Variants in PDE4D observed in about 807,000 individuals in gnomAD.
PDE4D encodes the protein 3',5'-cyclic-AMP phosphodiesterase 4D.
A neutral mutation model predicts 87.4 loss-of-function variants in PDE4D; 24 were observed. The observed-to-expected ratio is 0.27, with a 90% confidence interval of 0.20 to 0.39. The LOEUF (loss-of-function observed/expected upper bound fraction) is 0.39. PDE4D is among the 10% of genes least tolerant of loss of function. The probability of loss-of-function intolerance (pLI) is 1.00; values close to 1 mark genes in which losing one functional copy is unlikely to be tolerated. For synonymous variants in PDE4D, 384 were observed against 383.2 expected (o/e 1.00, Z -0.02); for missense variants, 714 against 1,041.0 (o/e 0.69, Z 4.32).
chr5:59,060,596 T>G (rs1762987091), intron 5 of PDE4D, among the ~76,000 whole-genome samples: 1 of 152,110 alleles, frequency 6.6e-6, no homozygotes, highest in Non-Finnish European at 1.5e-5. Flanking sequence ...AAATTGCATG[T>G]CATGGGGTGC....
chr5:60,191,127 C>A (rs1002406957), intron 1 of PDE4D, among the ~76,000 whole-genome samples: 4 of 152,184 alleles, frequency 2.6e-5, no homozygotes, highest in Non-Finnish European at 5.9e-5. Context: ...TCCCCTACTG[C>A]GCCAAGTCAC....
At chr5:59,164,099 G>T (rs2153467468) in intron 5 of PDE4D, among the ~76,000 whole-genome samples, 1 of 152,290 alleles carries the variant, frequency 6.6e-6, no homozygotes, top group South Asian at 2.1e-4. Context: ...AGTCTTAATT[G>T]CTTGCACATG....
In PDE4D at chr5:59,577,140, C is replaced by T. The variant is rs548384797; in HGVS notation, c.455+316028G>A. 1.6e-4 allele frequency among the ~76,000 whole-genome samples: 24 copies of T among 152,090 alleles called. 1 individual carries two copies. In the South Asian group the frequency reaches 4.4e-3, roughly 28 times the overall value. On this transcript the variant is annotated intron_variant, in intron 1 of 14. Transcript: ENST00000340635. ...TGGAGGATATATGAAAAAGGAAGGG[C>T]CTGAGACCTTTATCAAGAGAAGAGT...
At chr5:60,191,453 T>G (rs141094259) in intron 1 of PDE4D, among the ~76,000 whole-genome samples, 1 of 152,254 alleles carries the variant, frequency 6.6e-6, no homozygotes, top group East Asian at 1.9e-4. Context: ...TGGTAGTTCC[T>G]CCTGTGTTCA....
chr5:59,952,236 G>T (rs1758368669), intron 3 of PDE4D, among the ~76,000 whole-genome samples: 2 of 151,966 alleles, frequency 1.3e-5, no homozygotes, highest in African/African-American at 2.4e-5. Flanking sequence ...GCCTCCCAAG[G>T]TCTGTGGAAC....
intron 5 of PDE4D, among the ~76,000 whole-genome samples, chr5:59,071,544 G>T (rs1253023695): frequency 3.3e-4 from 46 of 140,634 alleles, no homozygotes; most frequent in African/African-American, 3.8e-4. Context: ...TCTCTGAGTT[G>T]TTTTTTTTTT....
At chr5:59,542,579 G>A (rs1486494714) in intron 1 of PDE4D, among the ~76,000 whole-genome samples, 2 of 152,002 alleles carry the variant, frequency 1.3e-5, no homozygotes, top group Non-Finnish European at 2.9e-5. Flanking sequence ...AAGTAGTTTT[G>A]TATTTTAAGA....
chr5:59,932,745 C>T (rs865959476), intron 3 of PDE4D, among the ~76,000 whole-genome samples: 4 of 152,146 alleles, frequency 2.6e-5, no homozygotes, highest in Admixed American at 6.5e-5. Flanking sequence ...GATACCAAAT[C>T]GATTCTACAC....
At chr5:59,824,575 C>T (rs1292743525) in intron 1 of PDE4D, among the ~76,000 whole-genome samples, 3 of 152,284 alleles carry the variant, frequency 2.0e-5, no homozygotes, top group Middle Eastern at 3.4e-3. Context: ...GAGTATCTAT[C>T]TTTATATACA....
chr5:60,474,148 A>ATATATATG, intron 1 of PDE4D, among the ~76,000 whole-genome samples: 2 of 99,786 alleles, frequency 2.0e-5, no homozygotes, highest in African/African-American at 1.3e-4. Context: ...ATATATATAT[A>ATATATATG]TAACAAAAAC....
intron 5 of PDE4D, among the ~76,000 whole-genome samples, chr5:59,100,704 A>T: frequency 6.6e-6 from 1 of 152,202 alleles, no homozygotes; most frequent in East Asian, 1.9e-4. Flanking sequence ...TTGAGAGTCT[A>T]ACTGCTTGTC....
chr5:59,910,949 A>G (rs1753373730), intron 3 of PDE4D, among the ~76,000 whole-genome samples: 1 of 152,228 alleles, frequency 6.6e-6, no homozygotes, highest in Admixed American at 6.5e-5. Flanking sequence ...TAAAAGTTAT[A>G]ACAGTGAAAA....
intron 1 of PDE4D, among the ~76,000 whole-genome samples, chr5:60,383,008 A>G (rs891715601): frequency 6.6e-6 from 1 of 152,200 alleles, no homozygotes; most frequent in Non-Finnish European, 1.5e-5. Flanking sequence ...ATCAAGGGAA[A>G]GTTTCACTGG....
intron 1 of PDE4D, among the ~76,000 whole-genome samples, chr5:59,357,387 A>C (rs762743935): frequency 5.3e-5 from 8 of 152,192 alleles, no homozygotes; most frequent in Non-Finnish European, 1.2e-4. Flanking sequence ...TCCTTATTTC[A>C]ACTTCTCTTA....
chr5:59,875,210 C>T (rs1748373383), intron 1 of PDE4D, among the ~76,000 whole-genome samples: 1 of 151,934 alleles, frequency 6.6e-6, no homozygotes, highest in South Asian at 2.1e-4. Context: ...GCCTGTAATC[C>T]CAGCACTTTG....
chr5:59,081,301 G>A (rs11744488), intron 5 of PDE4D, among the ~76,000 whole-genome samples: 3,313 of 152,044 alleles, frequency 0.022, 61 homozygotes, highest in Middle Eastern at 0.054. Flanking sequence ...GGTTACTGCC[G>A]TTCCTTATTT....
At chr5:60,103,205 C>A (rs542869086) in intron 2 of PDE4D, among the ~76,000 whole-genome samples, 1 of 152,130 alleles carries the variant, frequency 6.6e-6, no homozygotes, top group East Asian at 1.9e-4. Context: ...AGAACAGACA[C>A]GACAGCCTAA....
intron 2 of PDE4D, among the ~76,000 whole-genome samples, chr5:60,027,765 G>A (rs1201931279): frequency 6.6e-6 from 1 of 152,216 alleles, no homozygotes; most frequent in African/African-American, 2.4e-5. Context: ...TTGTCCATTA[G>A]TGCTGGAATC....
Position 60,481,304 on chromosome 5 carries a change from G to C in PDE4D, c.-90+6638C>G, listed in dbSNP as rs185399836. ...TATTAACAGAAAATTAACAGATTTG[G>C]AGAGATTTTTTAAATAGAATAATCT... On this transcript the variant is annotated intron_variant, in intron 1 of 16. Transcript: ENST00000502484. Among the ~76,000 whole-genome samples, 620 of 152,104 alleles carry C rather than the reference G, an allele frequency of 4.1e-3. 6 individuals are homozygous for C. The highest frequency in any genetic ancestry group is 0.014 in the African/African-American group (592 of 41,506).
Sources: gnomAD v4.1 joint callset for allele counts (sites outside exome capture counted in the v4.1 genomes callset) on GRCh38, gnomAD v4.1.1 for gene constraint, MANE v1.5 for transcripts, NCBI Gene and HGNC (gene_info 2026-07-23, HGNC 2026-07-21) for gene names.